PRMT8: variants seen among roughly 807,000 people sequenced by gnomAD.
PRMT8 encodes protein arginine methyltransferase 8, also known as protein arginine N-methyltransferase 8.
A neutral mutation model predicts 47.1 loss-of-function variants in PRMT8; 7 were observed. The ratio of observed to expected loss-of-function variants is 0.15; its 90% CI spans 0.08 to 0.28. PRMT8 has a LOEUF of 0.28. PRMT8 is among the 10% of genes least tolerant of loss of function. The pLI, the probability that PRMT8 is intolerant of heterozygous loss-of-function variation, is 1.00. For synonymous variants in PRMT8, 188 were observed against 186.5 expected, an observed-to-expected ratio of 1.01 and a Z score of -0.07; for missense variants, 237 against 505.4, an observed-to-expected ratio of 0.47 and a Z score of 5.09.
intron 1 of PRMT8, among the ~76,000 whole-genome samples, chr12:3,484,579 A>T (rs903243396): frequency 6.6e-6 from 1 of 152,252 alleles, no homozygotes; most frequent in African/African-American, 2.4e-5. Flanking sequence ...CTTCATCTGC[A>T]TTGGCTCATT....
intron 1 of PRMT8, among the ~76,000 whole-genome samples, chr12:3,437,240 C>G (rs914282003): frequency 2.0e-5 from 3 of 151,882 alleles, no homozygotes; most frequent in African/African-American, 7.3e-5. Context: ...TCATTTTTCC[C>G]CCTCAACCAT....
At chr12:3,521,761 A>G (rs1865884193) in intron 1 of PRMT8, among the ~76,000 whole-genome samples, 1 of 152,210 alleles carries the variant, frequency 6.6e-6, no homozygotes, top group African/African-American at 2.4e-5. Context: ...AATGCTCAAA[A>G]TAGGGAGACT....
chr12:3,452,330 C>CAT (rs1293846859), intron 1 of PRMT8, among the ~76,000 whole-genome samples: 1 of 151,612 alleles, frequency 6.6e-6, no homozygotes, highest in Non-Finnish European at 1.5e-5. Context: ...CACACACACA[C>CAT]ACACATACAC....
intron 1 of PRMT8, among the ~76,000 whole-genome samples, chr12:3,439,370 C>T (rs563376224): frequency 6.6e-6 from 1 of 152,264 alleles, no homozygotes; most frequent in African/African-American, 2.4e-5. Context: ...GTGGTCTCAA[C>T]AGAATGGGCT....
chr12:3,434,968 CTTTT>C (rs398044252), intron 1 of PRMT8, among the ~76,000 whole-genome samples: 12,631 of 130,606 alleles, frequency 0.097, 795 homozygotes, highest in African/African-American at 0.2. Flanking sequence ...TTGCTTTGCT[CTTTT>C]TTTTTTTTTT....
intron 1 of PRMT8, among the ~76,000 whole-genome samples, chr12:3,419,533 C>G (rs751269582): frequency 1.3e-5 from 2 of 152,192 alleles, no homozygotes; most frequent in African/African-American, 2.4e-5. Context: ...GACTTCTCCC[C>G]TTTGCCCCCT....
intron 1 of PRMT8, among the ~76,000 whole-genome samples, chr12:3,416,965 A>G (rs369597344): frequency 1.8e-4 from 27 of 152,348 alleles, no homozygotes; most frequent in African/African-American, 6.5e-4. Context: ...GTGGCAAATA[A>G]TGATAAGCCA....
chr12:3,538,437 T>C lies in PRMT8; in HGVS notation c.76-2169T>C. The stretch of plus-strand genomic sequence containing the variant: ...TTGTGGAATTAAAAGCAACACCCCA[T>C]GTCGCTGAATGTTCAGGGATCACAG... On this transcript the variant is annotated intron_variant, in intron 1 of 9. Transcript: ENST00000382622. The surrounding 1 kb of genome is among the most constrained non-coding windows in gnomAD (Gnocchi z 4.6). 5.7e-6 allele frequency: 2 copies of C among 350,894 alleles called. No homozygotes were observed. Among genetic ancestry groups the C allele is most frequent in the East Asian group, 7.4e-5 (1 of 13,464 alleles). The allele number at this position is 350,894 out of a possible 1,614,324, so 21.7% of individuals were successfully genotyped here.
At position 3,538,028 on chromosome 12, in the gene PRMT8, A is replaced by G. The variant is rs144083310; in HGVS notation, c.76-2578A>G. Among the ~76,000 whole-genome samples, 1 of 152,140 alleles carries G rather than the reference A, an allele frequency of 6.6e-6. No homozygotes were observed. Among genetic ancestry groups the G allele is most frequent in the African/African-American group, 2.4e-5 (1 of 41,416 alleles). On this transcript the variant is annotated intron_variant, in intron 1 of 9. Transcript: ENST00000382622. The surrounding 1 kb of genome is among the most constrained non-coding windows in gnomAD (Gnocchi z 4.6). ...TTAATTACGACCTCTTAGCCTGGCC[A>G]TAATTTCCTTTCAACTGAATCTCTC...
intron 1 of PRMT8, among the ~76,000 whole-genome samples, chr12:3,529,156 T>C (rs570593034): frequency 6.6e-6 from 1 of 152,360 alleles, no homozygotes; most frequent in South Asian, 2.1e-4. Context: ...TTGCAAACTT[T>C]ATCTGTCTTG....
chr12:3,532,050 A>T (rs549971970), intron 1 of PRMT8, among the ~76,000 whole-genome samples: 1 of 151,940 alleles, frequency 6.6e-6, no homozygotes, highest in Non-Finnish European at 1.5e-5. Flanking sequence ...CCCTGATTTC[A>T]TTGGTCTGCG....
chr12:3,397,383 G>A (rs1468571950), intron 1 of PRMT8, among the ~76,000 whole-genome samples: 86 of 151,694 alleles, frequency 5.7e-4, no homozygotes, highest in Admixed American at 1.0e-3. Flanking sequence ...GTACTGATGG[G>A]TTTTTGGTGT....
chr12:3,443,970 A>G (rs528554755), intron 1 of PRMT8, among the ~76,000 whole-genome samples: 1 of 152,338 alleles, frequency 6.6e-6, no homozygotes, highest in South Asian at 2.1e-4. Flanking sequence ...CGGCCTAAAC[A>G]TCATTGCTTT....
At chr12:3,491,737 C>T (rs768626740) in intron 1 of PRMT8, 37 bp downstream of exon 1, 1 of 1,578,778 alleles carries the variant, frequency 6.3e-7, no homozygotes, top group Admixed American at 1.8e-5. Context: ...TCGGAGACCC[C>T]GCCGCCCACC....
chr12:3,422,902 C>T (rs182679337), intron 1 of PRMT8, among the ~76,000 whole-genome samples: 13 of 152,360 alleles, frequency 8.5e-5, no homozygotes, highest in South Asian at 8.3e-4. Flanking sequence ...TCACTACCCA[C>T]GTCTTCTTGC....
chr12:3,568,399 G>A (rs1866771816), intron 4 of PRMT8, among the ~76,000 whole-genome samples: 1 of 151,860 alleles, frequency 6.6e-6, no homozygotes, highest in Non-Finnish European at 1.5e-5. Context: ...AAGCCAGGTT[G>A]TTAAGGGTCA....
At chr12:3,464,601 A>G (rs982308667) in intron 1 of PRMT8, among the ~76,000 whole-genome samples, 1 of 152,148 alleles carries the variant, frequency 6.6e-6, no homozygotes, top group African/African-American at 2.4e-5. Context: ...GATGGGGTTA[A>G]CAAAAATAAA....
intron 2 of PRMT8, among the ~76,000 whole-genome samples, chr12:3,543,763 C>A (rs1866275602): frequency 1.3e-5 from 2 of 152,170 alleles, no homozygotes; most frequent in Admixed American, 1.3e-4. Flanking sequence ...GAGAGGAAGA[C>A]CCTAGCCTTC....
At chr12:3,447,253 A>T (rs1348785848) in intron 1 of PRMT8, among the ~76,000 whole-genome samples, 5 of 152,330 alleles carry the variant, frequency 3.3e-5, no homozygotes, top group Non-Finnish European at 5.9e-5. Context: ...GAAGTTATGA[A>T]GCAGCTATTC....
Sources: allele counts gnomAD v4.1 joint callset (sites outside exome capture counted in the v4.1 genomes callset), GRCh38; gene constraint gnomAD v4.1.1; non-coding constraint Gnocchi (gnomAD v3.1); transcripts MANE v1.5; gene names NCBI Gene and HGNC (gene_info 2026-07-23, HGNC 2026-07-21).